Variants in CASD1 observed in about 807,000 individuals in gnomAD.
CASD1 encodes CAS1 domain sialic acid O acetyltransferase 1, also known as N-acetylneuraminate (7)9-O-acetyltransferase.
CASD1 carries 41 observed loss-of-function variants against 100.0 expected under a neutral mutation model. The ratio of observed to expected loss-of-function variants is 0.41; its 90% CI spans 0.32 to 0.53. The LOEUF is 0.53. Ranked by LOEUF, CASD1 falls within the 20% of genes least tolerant of loss-of-function variation. The pLI is 0.25. For missense variants in CASD1, 774 were observed against 948.7 expected (o/e 0.82, Z 2.42); for synonymous variants, 321 against 315.6 (o/e 1.02, Z -0.18).
At chr7:94,605,624 A>G in the CASD1 span, among the ~76,000 whole-genome samples, 1 of 152,138 alleles carries the variant, frequency 6.6e-6, no homozygotes, top group African/African-American at 2.4e-5. Context: ...GATTGGTTAT[A>G]TATGTATATT....
intron 3 of CASD1, chr7:94,524,418 A>T (rs1794443528): frequency 6.6e-6 from 1 of 152,118 alleles, no homozygotes. Context: ...CATTTTACTG[A>T]AGTGGAAGTG....
At chr7:94,612,558 G>A in the CASD1 span, among the ~76,000 whole-genome samples, 1 of 151,884 alleles carries the variant, frequency 6.6e-6, no homozygotes, top group Non-Finnish European at 1.5e-5. Flanking sequence ...TTTCAGAGTT[G>A]GACAACTAAG....
At chr7:94,516,280 T>G (rs1793975687) in intron 1 of CASD1, among the ~76,000 whole-genome samples, 1 of 152,198 alleles carries the variant, frequency 6.6e-6, no homozygotes, top group African/African-American at 2.4e-5. Context: ...CCTGTTCTAC[T>G]TTAGAATTTA....
intron 13 of CASD1, among the ~76,000 whole-genome samples, chr7:94,548,341 A>G (rs998004301): frequency 2.6e-5 from 4 of 151,836 alleles, no homozygotes; most frequent in South Asian, 2.1e-4. Flanking sequence ...TGTATACATC[A>G]TATATAATCA....
chr7:94,528,782 C>G (rs1794703573), intron 5 of CASD1, among the ~76,000 whole-genome samples: 1 of 152,158 alleles, frequency 6.6e-6, no homozygotes, highest in Non-Finnish European at 1.5e-5. Flanking sequence ...TAAGTTCTCA[C>G]AAGTCCATTT....
At chr7:94,612,602 T>C in the CASD1 span, among the ~76,000 whole-genome samples, 8 of 152,196 alleles carry the variant, frequency 5.3e-5, no homozygotes, top group Admixed American at 5.2e-4. Context: ...TAAATAATAT[T>C]ACAAAGACTA....
chr7:94,553,013 A>G (rs1796024426), intron 16 of CASD1: 1 of 245,092 alleles, frequency 4.1e-6, no homozygotes, highest in Non-Finnish European at 8.2e-6. Flanking sequence ...ACCAAATCAG[A>G]CATAGTTCCT....
chr7:94,559,276 CTGTGTGTGTGTGTGTG>C (rs377655712), downstream of CASD1, among the ~76,000 whole-genome samples: 889 of 137,592 alleles, frequency 6.5e-3, 8 homozygotes, highest in African/African-American at 0.022. Context: ...GTATATATGT[CTGTGTGTGTGTGTGTG>C]TGTGTGTGTG....
In CASD1 at chr7:94,549,646, C is replaced by T. The variant is rs1470065716; in HGVS notation, c.1815+12C>T. 1 of 1,559,572 alleles carries T rather than the reference C, an allele frequency of 6.4e-7. No individual in the cohort carries two copies. The highest frequency in any genetic ancestry group is 8.7e-7 in the Non-Finnish European group (1 of 1,143,812). On this transcript the variant is annotated intron_variant, in intron 14 of 17. Coordinates refer to ENST00000297273, the MANE Select transcript of CASD1 (RefSeq NM_022900.5). The stretch of plus-strand genomic sequence containing the variant: ...GGTTAGACCGTTATGTATGTATTTA[C>T]TTTGTGATATTTTGTCATTTCAAAT...
chr7:94,621,405 T>C, the CASD1 span: 1 of 152,256 alleles, frequency 6.6e-6, no homozygotes, highest in African/African-American at 2.4e-5. Context: ...ACCCGTTATT[T>C]AGACAAAGAG....
chr7:94,532,364 G>T (rs1431742481), intron 5 of CASD1, among the ~76,000 whole-genome samples: 1 of 151,988 alleles, frequency 6.6e-6, no homozygotes, highest in Non-Finnish European at 1.5e-5. Flanking sequence ...GTAAAATAGG[G>T]GTTACTTTAA....
At chr7:94,603,501 A>G in the CASD1 span, 2 of 1,549,562 alleles carry the variant, frequency 1.3e-6, no homozygotes, top group Non-Finnish European at 1.8e-6. Context: ...AATTGAAAAC[A>G]CTAAAAAACA....
chr7:94,541,248 A>T (rs1795377485), intron 10 of CASD1, among the ~76,000 whole-genome samples: 1 of 151,954 alleles, frequency 6.6e-6, no homozygotes, highest in Non-Finnish European at 1.5e-5. Flanking sequence ...TATTTGAGGG[A>T]TTACTCGTAC....
intron 16 of CASD1, chr7:94,553,787 TA>T (rs931344051): frequency 2.4e-5 from 1 of 41,646 alleles, no homozygotes; most frequent in African/African-American, 8.1e-5. Flanking sequence ...CCCTAGAACT[TA>T]AATAAATAAA....
In CASD1 at chr7:94,509,983, C is replaced by T. The variant is rs1419083181; in HGVS notation, c.-102C>T. The stretch of plus-strand genomic sequence containing the variant: ...CGCAGGTGGCGGCCTGGGGAGCTGG[C>T]GGCCGCTCCTCGCCTGGCTGCAGCG... On this transcript the variant is annotated 5_prime_UTR_variant, in exon 1 of 18. Transcript: ENST00000297273. The T allele has an allele frequency of 1.2e-4, 148 of 1,241,382 alleles. No homozygotes were observed. The highest frequency in any genetic ancestry group is 1.5e-4 in the Non-Finnish European group (147 of 983,290). The allele number at this position is 1,241,382 out of a possible 1,614,324, so 76.9% of individuals were successfully genotyped here.
chr7:94,529,658 T>G (rs1294800264), intron 5 of CASD1, among the ~76,000 whole-genome samples: 2 of 152,170 alleles, frequency 1.3e-5, no homozygotes. Context: ...GTAATAGGAA[T>G]GTGGCTGGGA....
chr7:94,605,702 AAAC>A, the CASD1 span, among the ~76,000 whole-genome samples: 3 of 152,228 alleles, frequency 2.0e-5, no homozygotes, highest in African/African-American at 4.8e-5. Context: ...AGAGGAGAGA[AAAC>A]AATCATAAAA....
At chr7:94,587,900 GACTT>G in the CASD1 span, 29 of 1,488,810 alleles carry the variant, frequency 1.9e-5, no homozygotes, top group Admixed American at 2.6e-5. Flanking sequence ...GTTTTTAAGA[GACTT>G]ACTTAATAGT....
At chr7:94,585,529 G>T in the CASD1 span, 2 of 1,588,484 alleles carry the variant, frequency 1.3e-6, no homozygotes, top group Non-Finnish European at 1.7e-6. Context: ...CAATGTGTAA[G>T]AATGAATATG....
Sources: gnomAD v4.1 joint callset for allele counts (sites outside exome capture counted in the v4.1 genomes callset) on GRCh38, gnomAD v4.1.1 for gene constraint, MANE v1.5 for transcripts, NCBI Gene and HGNC (gene_info 2026-07-23, HGNC 2026-07-21) for gene names.